Variants in FRY observed in about 807,000 individuals in gnomAD.
The protein encoded by FRY is FRY microtubule binding protein.
In FRY, 128 loss-of-function variants were observed where a neutral mutation model predicts 348.4. The ratio of observed to expected loss-of-function variants is 0.37; its 90% confidence interval spans 0.32 to 0.43. FRY has a LOEUF of 0.43. FRY is among the 20% of genes least tolerant of loss of function. FRY has a pLI of 1.00. For missense variants in FRY, 2,736 were observed against 3,695.2 expected, an observed-to-expected ratio of 0.74 and a Z score of 6.73; for synonymous variants, 1,370 against 1,374.7, an observed-to-expected ratio of 1.00 and a Z score of 0.08.
At chr13:32,096,220 T>C (rs1876699953) in intron 2 of FRY, among the ~76,000 whole-genome samples, 2 of 152,140 alleles carry the variant, frequency 1.3e-5, no homozygotes, top group Non-Finnish European at 2.9e-5. Flanking sequence ...ATAATCTTGG[T>C]AATGTTAAAA....
chr13:32,200,640 C>T (rs2520700), intron 29 of FRY, among the ~76,000 whole-genome samples: 63,130 of 151,998 alleles, frequency 0.42, 13,340 homozygotes, highest in African/African-American at 0.45. Flanking sequence ...TTTCTACTTA[C>T]GACTTCTTTT....
chr13:32,075,593 A>G (rs996718693), intron 1 of FRY, among the ~76,000 whole-genome samples: 23 of 152,200 alleles, frequency 1.5e-4, no homozygotes, highest in African/African-American at 5.1e-4. Context: ...ACTAGTGTGG[A>G]CTTTGTGACT....
At chr13:32,289,807 A>T (rs1481219090) in intron 59 of FRY, 64 bp downstream of exon 59, 1 of 848,476 alleles carries the variant, frequency 1.2e-6, no homozygotes, top group Non-Finnish European at 2.1e-6. Context: ...GTTCTTCCTC[A>T]CTCCACCCCT....
intron 50 of FRY, 107 bp downstream of exon 50, chr13:32,252,059 A>T (rs1278149873): frequency 1.0e-5 from 8 of 800,644 alleles, no homozygotes; most frequent in Non-Finnish European, 1.8e-5. Flanking sequence ...GTGAATGACA[A>T]GTATGATAGC....
intron 35 of FRY, among the ~76,000 whole-genome samples, chr13:32,213,076 A>G (rs1884776020): frequency 6.6e-6 from 1 of 152,212 alleles, no homozygotes; most frequent in Non-Finnish European, 1.5e-5. Context: ...TGAGCATTTT[A>G]TAGTGAAAGG....
At chr13:32,146,770 C>T (rs1414184779) in intron 11 of FRY, among the ~76,000 whole-genome samples, 9 of 152,146 alleles carry the variant, frequency 5.9e-5, no homozygotes, top group African/African-American at 2.2e-4. Context: ...AGATTGTGAA[C>T]ATCTTAAGGG....
chr13:32,244,083 C>G lies in FRY; in HGVS notation c.6729C>G (p.Leu2243=). The part of the protein sequence containing the change: ...KGLPSVQQPL[L]QVIYSLLSYM... ...TCCCTAGTGTGCAGCAGCCCCTGCT[C>G]CAGGTGATCTACAGTCTTCTCAGCT... is the stretch of plus-strand genomic sequence containing the variant. Residue 2243 remains leucine (L), a synonymous_variant, in exon 47 of 61, where the codon CTC becomes CTG. Coordinates refer to ENST00000542859, the MANE Select transcript of FRY (RefSeq NM_023037.3). 2 of 1,613,834 alleles carry G rather than the reference C, an allele frequency of 1.2e-6. No homozygotes were observed. The highest frequency in any genetic ancestry group is 2.2e-5 in the East Asian group (1 of 44,892).
chr13:32,062,407 C>G (rs1270175374), intron 1 of FRY, among the ~76,000 whole-genome samples: 1 of 152,090 alleles, frequency 6.6e-6, no homozygotes, highest in Non-Finnish European at 1.5e-5. Flanking sequence ...CACTCATTGC[C>G]TTTCTTGCTC....
At position 32,166,689 on chromosome 13, in the gene FRY, G is replaced by A. The variant is rs190659162; in HGVS notation, c.1893-4323G>A. On this transcript the variant is annotated intron_variant, in intron 17 of 60. Transcript: ENST00000542859. ...GCAGCCCTCTGCTTATATGCTTCGA[G>A]GGACAGACACAGGGAGGGAGCTTTG... Among the ~76,000 whole-genome samples, 299 of 152,296 alleles carry A rather than the reference G, an allele frequency of 2.0e-3. 1 individual carries two copies. Among genetic ancestry groups the A allele is most frequent in the Non-Finnish European group, 3.4e-3 (230 of 68,022 alleles).
At position 32,239,682 on chromosome 13, in the gene FRY, A is replaced by G; in HGVS notation, c.6517-29A>G. 6.6e-7 allele frequency: 1 copy of G among 1,513,224 alleles called. No homozygotes were observed. Among genetic ancestry groups the G allele is most frequent in the East Asian group, 2.3e-5 (1 of 44,296 alleles). The allele number at this position is 1,513,224 out of a possible 1,614,324, so 93.7% of individuals were successfully genotyped here. On this transcript the variant is annotated intron_variant, in intron 45 of 60. Coordinates refer to ENST00000542859, the MANE Select transcript of FRY (RefSeq NM_023037.3). The surrounding 1 kb of genome is among the most constrained non-coding windows in gnomAD (Gnocchi z 4.3). ...TTCTTCCTATTCATTGGGCTATTTTATTCCTAATTGATTTTTTTATTTTAA... is the reference window on the plus strand; with the variant it reads ...TTCTTCCTATTCATTGGGCTATTTTGTTCCTAATTGATTTTTTTATTTTAA...
chr13:32,122,374 C>T (rs370121105), intron 4 of FRY, among the ~76,000 whole-genome samples: 5 of 150,270 alleles, frequency 3.3e-5, no homozygotes, highest in Admixed American at 1.3e-4. Flanking sequence ...ACCCGGGAGG[C>T]GGAGCTTGCA....
chr13:32,197,859 T>C (rs1313375896), intron 29 of FRY, among the ~76,000 whole-genome samples: 1 of 152,232 alleles, frequency 6.6e-6, no homozygotes, highest in African/African-American at 2.4e-5. Flanking sequence ...GTTTTATTTC[T>C]TGTTTACTTT....
Position 32,298,079 on chromosome 13 carries a change from T to C in FRY, c.*2619T>C, listed in dbSNP as rs1593868444. 1 of 151,988 alleles carries C rather than the reference T, an allele frequency of 6.6e-6. No homozygotes were observed. The highest frequency in any genetic ancestry group is 1.9e-4 in the East Asian group (1 of 5,174). The allele number at this position is 151,988 out of a possible 1,614,324, so 9.4% of individuals were successfully genotyped here. A position where few individuals can be genotyped will look rare whatever the true frequency, so the allele number is the denominator to read the frequency against. ...CCACCTCTAACCCATCTAACATCGG[T>C]GAGATGTTAAGAAAATGTGCCGATG... On this transcript the variant is annotated 3_prime_UTR_variant, in exon 61 of 61. Coordinates refer to ENST00000542859, the MANE Select transcript of FRY (RefSeq NM_023037.3).
Position 32,170,935 on chromosome 13 carries a change from T to C in FRY, c.1893-77T>C, listed in dbSNP as rs899125605. The stretch of plus-strand genomic sequence containing the variant: ...CTCAAGTAGAAGAGATATACATTAA[T>C]ATCTATTAATCCTTGTTAGCTCTAG... On this transcript the variant is annotated intron_variant, in intron 17 of 60. Transcript: ENST00000542859. 1.8e-5 allele frequency: 19 copies of C among 1,052,214 alleles called. No individual in the cohort carries two copies. In the African/African-American group the frequency reaches 3.0e-4, roughly 16 times the overall value. The allele number at this position is 1,052,214 out of a possible 1,614,324, so 65.2% of individuals were successfully genotyped here.
intron 28 of FRY, among the ~76,000 whole-genome samples, chr13:32,187,858 G>A (rs781643013): frequency 2.0e-5 from 3 of 152,038 alleles, no homozygotes; most frequent in Non-Finnish European, 4.4e-5. Context: ...CATAAGCTGG[G>A]TCATAAAGCA....
At chr13:32,132,713 A>T (rs1879445644) in intron 8 of FRY, among the ~76,000 whole-genome samples, 1 of 152,248 alleles carries the variant, frequency 6.6e-6, no homozygotes, top group African/African-American at 2.4e-5. Flanking sequence ...ATGAAAATAT[A>T]TGTCCACACA....
chr13:32,093,946 C>T (rs140279155), intron 2 of FRY, among the ~76,000 whole-genome samples: 7 of 152,254 alleles, frequency 4.6e-5, no homozygotes, highest in South Asian at 2.1e-4. Flanking sequence ...TTAAAGTATA[C>T]GAAGTCTTTC....
rs776418440 is a variant in FRY at position 32,155,514 on chromosome 13, A to G, written c.1503A>G (p.Ala501=). ...AGAGAATGAACATTGGTTTACGGGC[A>G]TTCTTGGTCATAGCTGATAGCTTGC... ...NPERMNIGLR[A]FLVIADSLQQ... The change falls in exon 15 of 61, where the codon GCA becomes GCG. Residue 501 remains alanine, a synonymous_variant. Coordinates refer to ENST00000542859, the MANE Select transcript of FRY (RefSeq NM_023037.3). The G allele has an allele frequency of 5.6e-6, 9 of 1,613,618 alleles. No individual in the cohort carries two copies. Among genetic ancestry groups the G allele is most frequent in the Admixed American group, 5.0e-5 (3 of 60,018 alleles).
chr13:32,280,682 A>T (rs1414073071), intron 58 of FRY, among the ~76,000 whole-genome samples: 4 of 152,242 alleles, frequency 2.6e-5, no homozygotes, highest in Admixed American at 2.6e-4. Flanking sequence ...GTCCTCAATC[A>T]TCAAATTCTG....
Sources: allele counts gnomAD v4.1 joint callset (sites outside exome capture counted in the v4.1 genomes callset), GRCh38; gene constraint gnomAD v4.1.1; non-coding constraint Gnocchi (gnomAD v3.1); transcripts MANE v1.5; gene names NCBI Gene and HGNC (gene_info 2026-07-23, HGNC 2026-07-21).